The following LUC7L2 variants were observed in gnomAD, a reference collection of about 807,000 sequenced individuals.
LUC7L2 encodes putative RNA-binding protein Luc7-like 2.
A neutral mutation model predicts 52.8 loss-of-function variants in LUC7L2; 25 were observed. The observed-to-expected ratio is 0.47, with a 90% CI of 0.34 to 0.66. The LOEUF (loss-of-function observed/expected upper bound fraction) is 0.66. Ranked by LOEUF, LUC7L2 falls within the 30% of genes least tolerant of loss-of-function variation. The pLI is 0.01. For synonymous variants in LUC7L2, 144 were observed against 160.9 expected (o/e 0.89, Z 0.80); for missense variants, 328 against 497.8 (o/e 0.66, Z 3.25).
At chr7:139,376,267 A>T (rs1229718895) in intron 2 of LUC7L2, 111 bp downstream of exon 2, 1 of 1,086,458 alleles carries the variant, frequency 9.2e-7, no homozygotes, top group African/African-American at 1.6e-5. Context: ...GGAGATTTGC[A>T]TCCTTTATTG....
At chr7:139,366,466 TTTCTC>T (rs1800158404) in intron 1 of LUC7L2, among the ~76,000 whole-genome samples, 1 of 148,674 alleles carries the variant, frequency 6.7e-6, no homozygotes, top group Non-Finnish European at 1.5e-5. Context: ...ATGGTAGACT[TTTCTC>T]TTAAAGTAAC....
chr7:139,345,598 T>TA, intron 1 of LUC7L2: 1 of 1,614,126 alleles, frequency 6.2e-7, no homozygotes, highest in Non-Finnish European at 8.5e-7. Flanking sequence ...CATGTGGCCC[T>TA]ACATCAGGAA....
intron 1 of LUC7L2, among the ~76,000 whole-genome samples, chr7:139,369,432 A>G (rs1049401031): frequency 6.6e-6 from 1 of 152,164 alleles, no homozygotes; most frequent in Non-Finnish European, 1.5e-5. Flanking sequence ...CATACCCCCC[A>G]AAACATGATA....
chr7:139,415,315 G>T (rs1795546258), intron 8 of LUC7L2, among the ~76,000 whole-genome samples: 1 of 151,418 alleles, frequency 6.6e-6, no homozygotes, highest in African/African-American at 2.4e-5. Context: ...TTTAGTGCAG[G>T]AACTTTGTTT....
At chr7:139,399,868 T>G (rs774949207) in intron 3 of LUC7L2, among the ~76,000 whole-genome samples, 2 of 151,934 alleles carry the variant, frequency 1.3e-5, no homozygotes, top group African/African-American at 2.4e-5. Context: ...TTTATATTGC[T>G]GTTTTTATAT....
At chr7:139,368,477 G>A (rs1357322421) in intron 1 of LUC7L2, among the ~76,000 whole-genome samples, 1 of 152,164 alleles carries the variant, frequency 6.6e-6, no homozygotes, top group Non-Finnish European at 1.5e-5. Context: ...TGTGGCTCAC[G>A]CCTGTAATCC....
chr7:139,411,474 A>G (rs967852187), intron 7 of LUC7L2, among the ~76,000 whole-genome samples: 4 of 152,192 alleles, frequency 2.6e-5, no homozygotes, highest in Non-Finnish European at 1.5e-5. Flanking sequence ...TAAAATTTAT[A>G]TTAGTATCCC....
chr7:139,346,289 A>G (rs1799268279), intron 1 of LUC7L2: 1 of 152,190 alleles, frequency 6.6e-6, no homozygotes, highest in Non-Finnish European at 1.5e-5. Flanking sequence ...AGGAATTCAA[A>G]TGTTATAAAC....
chr7:139,390,558 T>TG (rs1158472846), intron 2 of LUC7L2, among the ~76,000 whole-genome samples: 1 of 62,788 alleles, frequency 1.6e-5, no homozygotes, highest in Non-Finnish European at 2.6e-5. Context: ...GACAATGTAG[T>TG]TTTTTTTTTT....
At chr7:139,388,329 TATC>T (rs1273924902) in intron 2 of LUC7L2, among the ~76,000 whole-genome samples, 2 of 151,964 alleles carry the variant, frequency 1.3e-5, no homozygotes, top group Admixed American at 6.6e-5. Flanking sequence ...GGTAGAAAAA[TATC>T]ATGATTTATC....
intron 5 of LUC7L2, 104 bp from the exon 6 acceptor site, chr7:139,407,070 G>A: frequency 1.2e-6 from 1 of 865,890 alleles, no homozygotes; most frequent in Non-Finnish European, 1.4e-6. Flanking sequence ...CCACTTTTGT[G>A]TATTTTTTAG....
chr7:139,342,867 C>T (rs550420463), intron 1 of LUC7L2, among the ~76,000 whole-genome samples: 71 of 152,300 alleles, frequency 4.7e-4, no homozygotes, highest in South Asian at 8.3e-4. Flanking sequence ...ATTCATGGTA[C>T]ATTCTGGAAA....
At chr7:139,417,776 G>A in intron 9 of LUC7L2, 47 bp downstream of exon 9, 2 of 1,576,000 alleles carry the variant, frequency 1.3e-6, no homozygotes. Context: ...TAATGTTTTA[G>A]AGTTGTTTAT....
chr7:139,413,128 G>A (rs1347081726), intron 8 of LUC7L2, among the ~76,000 whole-genome samples: 1 of 152,136 alleles, frequency 6.6e-6, no homozygotes, highest in Non-Finnish European at 1.5e-5. Context: ...GGCATTTGCA[G>A]CCTTAAAAGA....
At chr7:139,381,430 G>C (rs1027857066) in intron 2 of LUC7L2, among the ~76,000 whole-genome samples, 1 of 138,174 alleles carries the variant, frequency 7.2e-6, no homozygotes, top group Non-Finnish European at 1.6e-5. Context: ...TTATTTCATT[G>C]AGACAGGGTC....
intron 2 of LUC7L2, among the ~76,000 whole-genome samples, chr7:139,398,100 C>T (rs1476794035): frequency 1.3e-5 from 2 of 152,286 alleles, no homozygotes; most frequent in East Asian, 3.9e-4. Flanking sequence ...CTCAAGCGAT[C>T]CTCCTGCCTT....
chr7:139,341,758 T>G (rs1021563032), intron 1 of LUC7L2, among the ~76,000 whole-genome samples: 3 of 152,140 alleles, frequency 2.0e-5, no homozygotes, highest in Non-Finnish European at 4.4e-5. Context: ...CAGCCTGTCC[T>G]GCAGAGGGGC....
chr7:139,422,323 G>A lies in LUC7L2; in HGVS notation c.1162G>A (p.Glu388Lys), dbSNP rs761762656. The A allele has an allele frequency of 8.1e-6, 13 of 1,611,056 alleles. No homozygotes were observed. The highest frequency in any genetic ancestry group is 2.7e-5 in the African/African-American group (2 of 74,726). Residue 388 changes from glutamate (E) to lysine (K), a missense_variant, in exon 10 of 10, where the codon GAA becomes AAA. By Grantham distance (56) the Glu-to-Lys change is moderately conservative. This residue lies in a region of LUC7L2 where 195 missense variants were observed against 223.3 expected (regional missense o/e 0.87). Transcript: ENST00000354926. ...SEDRRSSEER[E>K]AGEI ...AGACAGGAGGAGCTCTGAAGAGCGC[G>A]AAGCAGGGGAGATCTAACTAGCTGT...
chr7:139,409,945 C>T (rs1390486483), intron 7 of LUC7L2, among the ~76,000 whole-genome samples: 3 of 152,152 alleles, frequency 2.0e-5, no homozygotes, highest in Non-Finnish European at 2.9e-5. Flanking sequence ...TGGTGGCTCA[C>T]GCCTGTAATT....
Sources: gnomAD v4.1 joint callset for allele counts (sites outside exome capture counted in the v4.1 genomes callset) on GRCh38, gnomAD v4.1.1 for gene constraint, gnomAD v4.1.1 regional missense constraint, MANE v1.5 for transcripts, NCBI Gene and HGNC (gene_info 2026-07-23, HGNC 2026-07-21) for gene names.